COLEC12: variants seen among roughly 807,000 people sequenced by gnomAD.
COLEC12 encodes the protein collectin-12.
A neutral mutation model predicts 71.1 loss-of-function variants in COLEC12; 33 were observed. The ratio of observed to expected loss-of-function variants is 0.46; its 90% CI spans 0.35 to 0.62. The LOEUF (loss-of-function observed/expected upper bound fraction) is 0.62, where lower values mean the gene tolerates loss of function less well. COLEC12 is among the 20% of genes least tolerant of loss of function. The probability of loss-of-function intolerance (pLI) is 0.00; values close to 1 mark genes in which losing one functional copy is unlikely to be tolerated. For synonymous variants in COLEC12, 350 were observed against 353.0 expected, an observed-to-expected ratio of 0.99 and a Z score of 0.10; for missense variants, 765 against 916.1, an observed-to-expected ratio of 0.84 and a Z score of 2.13.
At chr18:479,466 T>C (rs1318041081) in intron 2 of COLEC12, among the ~76,000 whole-genome samples, 2 of 152,104 alleles carry the variant, frequency 1.3e-5, no homozygotes, top group Admixed American at 6.5e-5. Flanking sequence ...TTGTTAATTC[T>C]AATCAAAGTC....
At chr18:494,144 C>T (rs369536144) in intron 1 of COLEC12, among the ~76,000 whole-genome samples, 51 of 152,194 alleles carry the variant, frequency 3.4e-4, no homozygotes, top group African/African-American at 1.2e-3. Flanking sequence ...ATAGCAGTGA[C>T]GGCAGCTGGA....
At chr18:376,034 A>C (rs1463835164) in intron 2 of COLEC12, among the ~76,000 whole-genome samples, 8 of 152,234 alleles carry the variant, frequency 5.3e-5, no homozygotes, top group Admixed American at 3.9e-4. Flanking sequence ...CTGAAGTTCC[A>C]CATTAGTGAC....
rs113652357 is a variant in COLEC12, at chr18:390,603, T to C, written c.59-33081A>G. Among the ~76,000 whole-genome samples the C allele has an allele frequency of 2.6e-3, 390 of 151,950 alleles. 2 individuals are homozygous for C. The highest frequency in any genetic ancestry group is 8.7e-3 in the African/African-American group (362 of 41,406). On this transcript the variant is annotated intron_variant, in intron 2 of 9. Transcript: ENST00000400256. ...GGGTAAAATCCATCTCTACTAAAAA[T>C]ACGAAAATTAGCCAGGCATGCCGGT...
At chr18:453,022 T>G (rs540891573) in intron 2 of COLEC12, among the ~76,000 whole-genome samples, 3 of 152,208 alleles carry the variant, frequency 2.0e-5, no homozygotes, top group African/African-American at 4.8e-5. Context: ...AGAGTCATCT[T>G]TTATTACACA....
At chr18:445,959 G>A (rs1916640577) in intron 2 of COLEC12, among the ~76,000 whole-genome samples, 1 of 152,068 alleles carries the variant, frequency 6.6e-6, no homozygotes, top group African/African-American at 2.4e-5. Context: ...CTACAGATTT[G>A]CCTGTTCTGA....
chr18:353,187 T>C (rs561129345), intron 3 of COLEC12, among the ~76,000 whole-genome samples: 3 of 152,314 alleles, frequency 2.0e-5, no homozygotes, highest in Admixed American at 6.5e-5. Flanking sequence ...TACCCCATTG[T>C]ACTCAGCCAC....
At chr18:333,852 T>C (rs932351173) in intron 6 of COLEC12, 1 of 152,098 alleles carries the variant, frequency 6.6e-6, no homozygotes, top group Admixed American at 6.5e-5. Context: ...TGTTTTGCAT[T>C]GTGTTTGTCT....
chr18:324,144 T>C (rs889394371), intron 8 of COLEC12, among the ~76,000 whole-genome samples: 2 of 150,430 alleles, frequency 1.3e-5, no homozygotes, highest in Non-Finnish European at 3.0e-5. Flanking sequence ...CCACCCAGAG[T>C]CTCAAAGCAT....
intron 2 of COLEC12, among the ~76,000 whole-genome samples, chr18:429,942 T>A (rs925166216): frequency 8.5e-5 from 13 of 152,200 alleles, no homozygotes; most frequent in African/African-American, 2.9e-4. Flanking sequence ...TCTCTCCAAA[T>A]AGAATGTAAG....
intron 1 of COLEC12, among the ~76,000 whole-genome samples, chr18:487,009 T>C (rs964178243): frequency 2.6e-5 from 4 of 152,082 alleles, no homozygotes; most frequent in African/African-American, 9.7e-5. Flanking sequence ...CATACAAAAA[T>C]CTGCACCTGA....
At chr18:426,236 A>T (rs890914114) in intron 2 of COLEC12, among the ~76,000 whole-genome samples, 1 of 152,242 alleles carries the variant, frequency 6.6e-6, no homozygotes, top group Non-Finnish European at 1.5e-5. Context: ...GAGCAATAAT[A>T]CACACTGTGT....
chr18:409,411 G>A (rs1354191644), intron 2 of COLEC12, among the ~76,000 whole-genome samples: 1 of 152,086 alleles, frequency 6.6e-6, no homozygotes, highest in Non-Finnish European at 1.5e-5. Context: ...GTGCACGCCT[G>A]TAATCCCAGC....
chr18:392,229 G>C (rs1164268409), intron 2 of COLEC12, among the ~76,000 whole-genome samples: 1 of 152,146 alleles, frequency 6.6e-6, no homozygotes, highest in East Asian at 1.9e-4. Context: ...ACTGTAGCTT[G>C]GTACCTGCTG....
At position 388,437 on chromosome 18, in the gene COLEC12, G is replaced by C. The variant is rs578216884; in HGVS notation, c.59-30915C>G. ...TTAGTCTTAATTAACGTGGCACCAT[G>C]GTTACTGCACATGCTCACTGGCTTT... On this transcript the variant is annotated intron_variant, in intron 2 of 9. Coordinates refer to ENST00000400256, the MANE Select transcript of COLEC12 (RefSeq NM_130386.3). Among the ~76,000 whole-genome samples, 14 of 152,298 alleles carry C rather than the reference G, an allele frequency of 9.2e-5. No homozygotes were observed. In the South Asian group the frequency reaches 2.9e-3, roughly 32 times the overall value.
chr18:388,936 C>G (rs1397607432), intron 2 of COLEC12, among the ~76,000 whole-genome samples: 1 of 152,286 alleles, frequency 6.6e-6, no homozygotes, highest in Non-Finnish European at 1.5e-5. Context: ...CTCCAGTTCT[C>G]TCCAAGTACT....
At chr18:414,032 T>C (rs1446649760) in intron 2 of COLEC12, among the ~76,000 whole-genome samples, 1 of 152,192 alleles carries the variant, frequency 6.6e-6, no homozygotes, top group East Asian at 1.9e-4. Context: ...ATATGTGGAA[T>C]CTTTGTGATA....
chr18:482,947 G>A (rs1261268177), intron 1 of COLEC12, among the ~76,000 whole-genome samples: 1 of 152,138 alleles, frequency 6.6e-6, no homozygotes, highest in Non-Finnish European at 1.5e-5. Context: ...GCATATAGGG[G>A]AAATGAAGCC....
chr18:473,927 C>T (rs1235902309), intron 2 of COLEC12, among the ~76,000 whole-genome samples: 1 of 152,070 alleles, frequency 6.6e-6, no homozygotes, highest in Admixed American at 6.5e-5. Context: ...TTCCCACAGC[C>T]CTACCAGGAT....
chr18:495,186 A>G (rs547457820), intron 1 of COLEC12, among the ~76,000 whole-genome samples: 1 of 152,336 alleles, frequency 6.6e-6, no homozygotes, highest in South Asian at 2.1e-4. Context: ...TGCACTGAAA[A>G]AGAAATCAAA....
Sources: allele counts gnomAD v4.1 joint callset (sites outside exome capture counted in the v4.1 genomes callset), GRCh38; gene constraint gnomAD v4.1.1; transcripts MANE v1.5; gene names NCBI Gene and HGNC (gene_info 2026-07-23, HGNC 2026-07-21).